The following DDX51 variants were observed in gnomAD, a reference collection of about 807,000 sequenced individuals.
DDX51 encodes the protein ATP-dependent RNA helicase DDX51.
A neutral mutation model predicts 74.6 loss-of-function variants in DDX51; 67 were observed. The ratio of observed to expected loss-of-function variants is 0.90; its 90% CI spans 0.74 to 1.10. DDX51 has a LOEUF of 1.10. Ranked by LOEUF, DDX51 falls within the 50% of genes least tolerant of loss-of-function variation. The pLI is 0.00. For synonymous variants in DDX51, 545 were observed against 402.9 expected, an observed-to-expected ratio of 1.35 and a Z score of -4.22; for missense variants, 1,056 against 905.2, an observed-to-expected ratio of 1.17 and a Z score of -2.14.
At position 132,139,628 on chromosome 12, in the gene DDX51, CCCTTA is replaced by C; in HGVS notation, c.1974+2_1974+6del. Reference sequence around the variant, plus strand: ...GAGGGTTTCATGCCGGACTCTGGTGCCCTTACCTTGACAGACTCCTCCAGCTGGGA... The same window carrying C: ...GAGGGTTTCATGCCGGACTCTGGTGCCCTTGACAGACTCCTCCAGCTGGGA... On this transcript the variant is annotated splice_donor_variant and splice_donor_5th_base_variant and intron_variant, in intron 14 of 14. Coordinates refer to ENST00000397333, the MANE Select transcript of DDX51 (RefSeq NM_175066.4). LOFTEE classifies it high-confidence loss of function. The C allele has an allele frequency of 6.2e-7, 1 of 1,613,158 alleles. No homozygotes were observed. The highest frequency in any genetic ancestry group is 1.3e-5 in the African/African-American group (1 of 75,064).
chr12:132,142,876 G>C lies in DDX51; in HGVS notation c.522C>G (p.Val174=), dbSNP rs1465663476. 6.2e-7 allele frequency: 1 copy of C among 1,612,602 alleles called. No homozygotes were observed. The highest frequency in any genetic ancestry group is 1.1e-5 in the South Asian group (1 of 91,080). ...CCAGCCACCTTGGCAGGAAAGGCTG[G>C]ACCTGCCATCAAAAAGAAAGAGAGG... ...GGFGKRKAPK[V]QPFLPRWLAE... The change falls in exon 3 of 15, where the codon GTC becomes GTG. Residue 174 remains valine (V), a splice_region_variant and synonymous_variant. Transcript: ENST00000397333.
Position 132,139,843 on chromosome 12 carries a change from A to G in DDX51, c.1839+18T>C. On this transcript the variant is annotated intron_variant, in intron 13 of 14. Coordinates refer to ENST00000397333, the MANE Select transcript of DDX51 (RefSeq NM_175066.4). ...CACCCACCAACAGCAGAAACTCCCA[A>G]GACCCTCGCAGCCTCACCTGCACTT... is the stretch of plus-strand genomic sequence containing the variant. 1.1e-5 allele frequency: 17 copies of G among 1,613,084 alleles called. No individual in the cohort carries two copies. Among genetic ancestry groups the G allele is most frequent in the Non-Finnish European group, 1.4e-5 (17 of 1,179,934 alleles).
intron 11 of DDX51, 89 bp downstream of exon 11, chr12:132,140,333 CA>C: frequency 7.6e-6 from 12 of 1,570,166 alleles, no homozygotes; most frequent in Non-Finnish European, 9.6e-6. Context: ...AGCCAATTTG[CA>C]GAAGGAAGCA....
intron 6 of DDX51, 111 bp from the exon 7 acceptor site, chr12:132,141,717 G>C: frequency 6.9e-7 from 1 of 1,448,110 alleles, no homozygotes; most frequent in Non-Finnish European, 9.4e-7. Flanking sequence ...GAAGGGGGCC[G>C]GTGGGAGCTC....
chr12:132,142,801 G>A lies in DDX51; in HGVS notation c.597C>T (p.Ile199=), dbSNP rs1273002179. 29 of 1,613,122 alleles carry A rather than the reference G, an allele frequency of 1.8e-5. No homozygotes were observed. The highest frequency in any genetic ancestry group is 2.2e-5 in the East Asian group (1 of 44,882). The change falls in exon 3 of 15, where the codon ATC becomes ATT. Residue 199 remains isoleucine (I), a synonymous_variant. Transcript: ENST00000397333. ...CAGGATGGACGTCAGGGATGTCCTC[G>A]ATAGGAACCAGGTCTTCGGTGACAT... ...RRNVTEDLVP[I]EDIPDVHPDL...
At chr12:132,141,792 G>A (rs1897473614) in intron 6 of DDX51, 58 bp downstream of exon 6, 17 of 1,584,028 alleles carry the variant, frequency 1.1e-5, no homozygotes, top group Non-Finnish European at 1.5e-5. Flanking sequence ...GGTGCCTCAG[G>A]CCACCTGCAG....
chr12:132,142,792 G>GATGT lies in DDX51; in HGVS notation c.602_605dup (p.Pro203HisfsTer3). 1 of 1,613,098 alleles carries GATGT rather than the reference G, an allele frequency of 6.2e-7. No homozygotes were observed. Among genetic ancestry groups the GATGT allele is most frequent in the Non-Finnish European group, 8.5e-7 (1 of 1,180,024 alleles). ...TCTGCAGGTCAGGATGGACGTCAGG[G>GATGT]ATGTCCTCGATAGGAACCAGGTCTT... On this transcript the variant is annotated frameshift_variant, in exon 3 of 15. Transcript: ENST00000397333. LOFTEE classifies it high-confidence loss of function.
Position 132,138,952 on chromosome 12 carries a change from T to C in DDX51, c.*320A>G, listed in dbSNP as rs367660819. Reference sequence around the variant, plus strand: ...ATTTTTAACATTAGCTCAAGGTTAATGCCCCCAACTCTCAGCAAAAGCATG... The same window carrying C: ...ATTTTTAACATTAGCTCAAGGTTAACGCCCCCAACTCTCAGCAAAAGCATG... On this transcript the variant is annotated 3_prime_UTR_variant, in exon 15 of 15. Coordinates refer to ENST00000397333, the MANE Select transcript of DDX51 (RefSeq NM_175066.4). The C allele has an allele frequency of 3.4e-5, 14 of 406,774 alleles. No homozygotes were observed. Among genetic ancestry groups the C allele is most frequent in the East Asian group, 3.0e-4 (8 of 26,470 alleles). The allele number at this position is 406,774 out of a possible 1,614,324, so 25.2% of individuals were successfully genotyped here.
At position 132,143,894 on chromosome 12, in the gene DDX51, G is replaced by A; in HGVS notation, c.320C>T (p.Ala107Val). The A allele has an allele frequency of 2.6e-6, 4 of 1,516,366 alleles. No homozygotes were observed. The highest frequency in any genetic ancestry group is 3.5e-6 in the Non-Finnish European group (4 of 1,141,680). The allele number at this position is 1,516,366 out of a possible 1,614,324, so 93.9% of individuals were successfully genotyped here. Residue 107 changes from alanine to valine, a missense_variant, in exon 2 of 15, where the codon GCG becomes GTG. By Grantham distance (64) the Ala-to-Val change is moderately conservative. Transcript: ENST00000397333. ...GCTCCCTGCGCTGGGCTCCCCTGGC[G>A]CCTCCTCGTTGCTTTCTGCGAGGCA... ...EDAGAESNEEAPGEPSAGSSE... is the reference protein window; with the variant it reads ...EDAGAESNEEVPGEPSAGSSE...
Position 132,144,127 on chromosome 12 carries a change from G to C in DDX51, c.170C>G (p.Ala57Gly), listed in dbSNP as rs1409692695. The part of the protein sequence containing the change: ...QQREPAQTEA[A>G]ASTEPATRRR... ...CCTGGTCGCCGGCTCGGTCGATGCA[G>C]CCGCCTCGGTCTGCGCGGGCTCCCG... The change falls in exon 1 of 15, where the codon GCT (alanine) becomes GGT (glycine). Residue 57 changes from alanine (A) to glycine (G), a missense_variant. Physicochemically the swap from Ala to Gly is moderately conservative, Grantham distance 60. Coordinates refer to ENST00000397333, the MANE Select transcript of DDX51 (RefSeq NM_175066.4). The C allele has an allele frequency of 5.4e-5, 65 of 1,205,658 alleles. No homozygotes were observed. Among genetic ancestry groups the C allele is most frequent in the Admixed American group, 3.1e-4 (7 of 22,248 alleles). The allele number at this position is 1,205,658 out of a possible 1,614,324, so 74.7% of individuals were successfully genotyped here. A position where few individuals can be genotyped will look rare whatever the true frequency, so the allele number is the denominator to read the frequency against.
In DDX51 at chr12:132,141,162, G is replaced by A. The variant is rs563623844; in HGVS notation, c.1250+113C>T. 122 of 1,493,496 alleles carry A rather than the reference G, an allele frequency of 8.2e-5. No individual in the cohort carries two copies. In the African/African-American group the frequency reaches 1.3e-3, roughly 16 times the overall value. 92.5% of individuals were successfully genotyped at this position (1,493,496 alleles called of 1,614,324 possible). A position where few individuals can be genotyped will look rare whatever the true frequency, so the allele number is the denominator to read the frequency against. ...TCCAGCTCACGTGACAGTACGATGC[G>A]GTTCTGTGCACCAGAGCTCAAGCCA... is the stretch of plus-strand genomic sequence containing the variant. On this transcript the variant is annotated intron_variant, in intron 8 of 14. Transcript: ENST00000397333.
rs1021844456 is a variant in DDX51, at chr12:132,138,935, C to T, written c.*337G>A. 3 of 340,644 alleles carry T rather than the reference C, an allele frequency of 8.8e-6. No homozygotes were observed. The highest frequency in any genetic ancestry group is 4.4e-5 in the Admixed American group (1 of 22,974). The allele number at this position is 340,644 out of a possible 1,614,324, so 21.1% of individuals were successfully genotyped here. A position where few individuals can be genotyped will look rare whatever the true frequency, so the allele number is the denominator to read the frequency against. ...GCCTGGCCAAGAGCTTGATTTTTAACATTAGCTCAAGGTTAATGCCCCCAA... is the reference window on the plus strand; with the variant it reads ...GCCTGGCCAAGAGCTTGATTTTTAATATTAGCTCAAGGTTAATGCCCCCAA... On this transcript the variant is annotated 3_prime_UTR_variant, in exon 15 of 15. Transcript: ENST00000397333.
chr12:132,143,730 C>A lies in DDX51; in HGVS notation c.484G>T (p.Val162Leu), dbSNP rs1413480732. The A allele has an allele frequency of 6.5e-6, 10 of 1,535,828 alleles. No individual in the cohort carries two copies. In the African/African-American group the frequency reaches 1.1e-4, roughly 17 times the overall value. Residue 162 changes from valine (V) to leucine (L), a missense_variant, in exon 2 of 15, where the codon GTG becomes TTG. Physicochemically the swap from Val to Leu is conservative, Grantham distance 32. Transcript: ENST00000397333. ...TTCCTCTTCCCGAACCCCCCCAGCA[C>A]CAGGCCGGGGACCAGGGGTCCGGCC... Reference protein sequence around the residue: ...EAAGPLVPGLVLGGFGKRKAP... With the variant: ...EAAGPLVPGLLLGGFGKRKAP...
rs189209149 is a variant in DDX51 at position 132,138,561 on chromosome 12, G to C, written c.*711C>G. The C allele has an allele frequency of 2.1e-5, 3 of 146,286 alleles. No homozygotes were observed. The highest frequency in any genetic ancestry group is 5.1e-5 in the African/African-American group (2 of 39,516). 9.1% of individuals were successfully genotyped at this position (146,286 alleles called of 1,614,324 possible). Reference sequence around the variant, plus strand: ...ATGATGGTCTCTATCTCCTGACCTTGTGATCCACCTGCCTCGGCCTCCCAA... The same window carrying C: ...ATGATGGTCTCTATCTCCTGACCTTCTGATCCACCTGCCTCGGCCTCCCAA... On this transcript the variant is annotated 3_prime_UTR_variant, in exon 15 of 15. Transcript: ENST00000397333.
At position 132,143,815 on chromosome 12, in the gene DDX51, C is replaced by T. The variant is rs1344395566; in HGVS notation, c.399G>A (p.Gly133=). ...PSAGSSEEAP[G]ERSTSASAEA... is the part of the protein sequence containing the mutation. ...CGGCGCTGGCGCTGGTGCTGCGCTC[C>T]CCCGGCGCCTCCTCGCTGCTCCCTG... Residue 133 remains glycine (G), a synonymous_variant, in exon 2 of 15, where the codon GGG becomes GGA. Transcript: ENST00000397333. The T allele has an allele frequency of 1.3e-6, 2 of 1,526,982 alleles. No homozygotes were observed. The highest frequency in any genetic ancestry group is 1.7e-6 in the Non-Finnish European group (2 of 1,143,356). 94.6% of individuals were successfully genotyped at this position (1,526,982 alleles called of 1,614,324 possible).
In DDX51 at chr12:132,144,160, T is replaced by C; in HGVS notation, c.137A>G (p.Gln46Arg). Residue 46 changes from glutamine to arginine, a missense_variant, in exon 1 of 15, where the codon CAG becomes CGG. By Grantham distance (43) the Gln-to-Arg change is conservative. Transcript: ENST00000397333. Reference sequence around the variant, plus strand: ...GGTCTGCGCGGGCTCCCGCTGCTGCTGCCGTTCGCGGGCCCGGCTCTGCAG... The same window carrying C: ...GGTCTGCGCGGGCTCCCGCTGCTGCCGCCGTTCGCGGGCCCGGCTCTGCAG... ...ERLQSRARER[Q>R]QQREPAQTEA... 4.2e-6 allele frequency: 5 copies of C among 1,178,230 alleles called. No individual in the cohort carries two copies. Among genetic ancestry groups the C allele is most frequent in the Non-Finnish European group, 5.2e-6 (5 of 954,204 alleles). The allele number at this position is 1,178,230 out of a possible 1,614,324, so 73.0% of individuals were successfully genotyped here. A position where few individuals can be genotyped will look rare whatever the true frequency, so the allele number is the denominator to read the frequency against.
At chr12:132,142,031 A>T (rs1185114733) in intron 5 of DDX51, 75 bp from the exon 6 acceptor site, 8 of 1,606,846 alleles carry the variant, frequency 5.0e-6, no homozygotes, top group Non-Finnish European at 6.8e-6. Context: ...CCCAGATCTA[A>T]TCTGGGTCCC....
chr12:132,140,646 G>A lies in DDX51; in HGVS notation c.1530C>T (p.Phe510=). 1 of 1,612,972 alleles carries A rather than the reference G, an allele frequency of 6.2e-7. No individual in the cohort carries two copies. Among genetic ancestry groups the A allele is most frequent in the African/African-American group, 1.3e-5 (1 of 75,060 alleles). ...LEMGFSRVLC[F]TNSRENSHRL... The stretch of plus-strand genomic sequence containing the variant: ...TGTGGGAGTTCTCTCGGGAGTTAGT[G>A]AAGCAGAGAACCCTCGAGAAGCCCA... The change falls in exon 10 of 15, where the codon TTC becomes TTT. Residue 510 remains phenylalanine, a synonymous_variant. Transcript: ENST00000397333.
At position 132,141,499 on chromosome 12, in the gene DDX51, AG is replaced by A; in HGVS notation, c.1102del (p.Leu368Ter). On this transcript the variant is annotated frameshift_variant and splice_region_variant, in exon 7 of 15. Transcript: ENST00000397333. LOFTEE classifies it high-confidence loss of function. ...PGFSLQQLRF[L>X]IIDEADRMID... ...CAGGCCCCTGGGGCGGGGACCTACCAGGAAGCGGAGCTGCTGGAGGCTGAAT... is the reference window on the plus strand; with the variant it reads ...CAGGCCCCTGGGGCGGGGACCTACCAGAAGCGGAGCTGCTGGAGGCTGAAT... 2 of 1,589,614 alleles carry A rather than the reference AG, an allele frequency of 1.3e-6. No individual in the cohort carries two copies. The highest frequency in any genetic ancestry group is 1.7e-6 in the Non-Finnish European group (2 of 1,170,900).
Sources: gnomAD v4.1 joint callset for allele counts on GRCh38, gnomAD v4.1.1 for gene constraint, MANE v1.5 for transcripts, NCBI Gene and HGNC (gene_info 2026-07-23, HGNC 2026-07-21) for gene names.